PLCG2: variants seen among roughly 807,000 people sequenced by gnomAD.
PLCG2 encodes the protein phospholipase C gamma 2.
A neutral mutation model predicts 175.6 loss-of-function variants in PLCG2; 69 were observed. The observed-to-expected ratio is 0.39, with a 90% CI of 0.32 to 0.48. The LOEUF (loss-of-function observed/expected upper bound fraction) is 0.48, where lower values mean the gene tolerates loss of function less well. PLCG2 is among the 20% of genes least tolerant of loss of function. The pLI is 0.91. For missense variants in PLCG2, 1,798 were observed against 1,650.9 expected (o/e 1.09, Z -1.54); for synonymous variants, 827 against 624.0 (o/e 1.33, Z -4.85).
intron 2 of PLCG2, among the ~76,000 whole-genome samples, chr16:81,847,105 G>C (rs1194226728): frequency 1.3e-5 from 2 of 152,208 alleles, no homozygotes; most frequent in Non-Finnish European, 2.9e-5. Flanking sequence ...ATAAATTGGG[G>C]TTCCAATAAC....
chr16:81,870,139 G>T (rs1257016341), intron 6 of PLCG2, among the ~76,000 whole-genome samples: 1 of 152,198 alleles, frequency 6.6e-6, no homozygotes, highest in Non-Finnish European at 1.5e-5. Context: ...AGAGAAAAGG[G>T]TAGGTCAGAA....
chr16:81,799,381 C>G lies in PLCG2; in HGVS notation c.193+13199C>G, dbSNP rs150768031. On this transcript the variant is annotated intron_variant, in intron 2 of 32. Transcript: ENST00000564138. ...AATCTGCCTTTTTCATTTTGTACTA[C>G]TTTGTGACCATGTTAGTATTATTAA... Among the ~76,000 whole-genome samples the G allele has an allele frequency of 3.1e-3, 479 of 152,254 alleles. 3 individuals are homozygous for G. Among genetic ancestry groups the G allele is most frequent in the African/African-American group, 0.011 (471 of 41,520 alleles).
intron 2 of PLCG2, among the ~76,000 whole-genome samples, chr16:81,799,841 C>A (rs556238725): frequency 1.3e-5 from 2 of 151,252 alleles, no homozygotes; most frequent in Non-Finnish European, 2.9e-5. Context: ...GATCCTCCCA[C>A]CTTGGCCTCC....
intron 2 of PLCG2, among the ~76,000 whole-genome samples, chr16:81,831,308 C>G (rs4616280): frequency 6.6e-6 from 1 of 152,044 alleles, no homozygotes; most frequent in Non-Finnish European, 1.5e-5. Flanking sequence ...GCCTGGCACG[C>G]TGGCTTTTAC....
At position 81,912,661 on chromosome 16, in the gene PLCG2, G is replaced by A. The variant is rs774828108; in HGVS notation, c.1999G>A (p.Gly667Arg). The A allele has an allele frequency of 4.3e-6, 7 of 1,613,022 alleles. No individual in the cohort carries two copies. The Admixed American group carries it at 8.3e-5, about 19-fold the overall frequency. The stretch of plus-strand genomic sequence containing the variant: ...CATGCTGATGAGGATTCCCCGGGAC[G>A]GGGCCTTCCTGATCCGGAAGCGAGA... ...EDMLMRIPRDGAFLIRKREGS... is the reference protein window; with the variant it reads ...EDMLMRIPRDRAFLIRKREGS... Residue 667 changes from glycine to arginine, a missense_variant, in exon 19 of 33, where the codon GGG (glycine) becomes AGG (arginine). Coordinates refer to ENST00000564138, the MANE Select transcript of PLCG2 (RefSeq NM_002661.5).
At chr16:81,750,265 C>A (rs556994781) in intron 1 of PLCG2, among the ~76,000 whole-genome samples, 2 of 151,882 alleles carry the variant, frequency 1.3e-5, no homozygotes, top group East Asian at 3.9e-4. Flanking sequence ...ACAACAACAA[C>A]AAAAATTAGC....
rs7202834 is a variant in PLCG2, at chr16:81,789,852, T to A, written c.193+3670T>A. On this transcript the variant is annotated intron_variant, in intron 2 of 32. Coordinates refer to ENST00000564138, the MANE Select transcript of PLCG2 (RefSeq NM_002661.5). The stretch of plus-strand genomic sequence containing the variant: ...CTTCCCTTCCCACCTTTGCCCCCCC[T>A]CCATTGCCTCCCCTCTGTCATTTGG... Among the ~76,000 whole-genome samples, 8 of 141,968 alleles carry A rather than the reference T, an allele frequency of 5.6e-5. No individual in the cohort carries two copies. The East Asian group carries it at 1.0e-3, about 19-fold the overall frequency. 93.1% of individuals were successfully genotyped at this position (141,968 alleles called of 152,430 possible).
intron 1 of PLCG2, among the ~76,000 whole-genome samples, chr16:81,745,027 G>A (rs1909676760): frequency 6.6e-6 from 1 of 152,164 alleles, no homozygotes; most frequent in African/African-American, 2.4e-5. Flanking sequence ...GTTATGCAGT[G>A]GAACCTTTTT....
intron 19 of PLCG2, among the ~76,000 whole-genome samples, chr16:81,913,833 A>T (rs1417515219): frequency 6.6e-6 from 1 of 151,708 alleles, no homozygotes; most frequent in African/African-American, 2.4e-5. Context: ...GGGCGTTTGG[A>T]TTTCCCTTCC....
upstream of PLCG2, among the ~76,000 whole-genome samples, chr16:81,779,065 A>C (rs985004268): frequency 9.9e-5 from 15 of 152,226 alleles, no homozygotes; most frequent in Non-Finnish European, 2.1e-4. Context: ...GGCCTCGGGC[A>C]GGTAGCCTCC....
chr16:81,742,669 G>C (rs1194114378), intron 1 of PLCG2, among the ~76,000 whole-genome samples: 1 of 152,192 alleles, frequency 6.6e-6, no homozygotes, highest in Non-Finnish European at 1.5e-5. Context: ...CTGGTGGGGA[G>C]AACTCAAGAC....
chr16:81,741,526 C>T (rs1211163984), intron 1 of PLCG2, among the ~76,000 whole-genome samples: 1 of 152,104 alleles, frequency 6.6e-6, no homozygotes, highest in East Asian at 1.9e-4. Flanking sequence ...ATGTAATGAT[C>T]AGGCCAGACG....
At chr16:81,939,369 G>C (rs1010136823) in intron 29 of PLCG2, among the ~76,000 whole-genome samples, 1 of 152,180 alleles carries the variant, frequency 6.6e-6, no homozygotes, top group African/African-American at 2.4e-5. Context: ...GGAGGGAACC[G>C]TGATTGGTGG....
At chr16:81,921,384 C>T in intron 21 of PLCG2, 115 bp downstream of exon 21, 2 of 733,166 alleles carry the variant, frequency 2.7e-6, no homozygotes, top group Non-Finnish European at 4.9e-6. Context: ...AAAACCTGGC[C>T]AAAATAATTT....
intron 2 of PLCG2, among the ~76,000 whole-genome samples, chr16:81,764,418 C>T (rs1910102039): frequency 6.6e-6 from 1 of 152,196 alleles, no homozygotes; most frequent in South Asian, 2.1e-4. Flanking sequence ...TGTAGAAGAG[C>T]ATGTGGGATG....
chr16:81,908,453 G>T lies in PLCG2; in HGVS notation c.1595G>T (p.Trp532Leu). ...ACAGAACTACATTTTGGGGAGAAAT[G>T]GTTCCACAAGAAGGTGGAGAAGAGG... ...PPTELHFGEKWFHKKVEKRTS... is the reference protein window; with the variant it reads ...PPTELHFGEKLFHKKVEKRTS... The change falls in exon 17 of 33, where the codon TGG (tryptophan) becomes TTG (leucine). Residue 532 changes from tryptophan (W) to leucine (L), a missense_variant. Physicochemically the swap from Trp to Leu is moderately conservative, Grantham distance 61. Transcript: ENST00000564138. 6.2e-7 allele frequency: 1 copy of T among 1,614,122 alleles called. No individual in the cohort carries two copies. The highest frequency in any genetic ancestry group is 8.5e-7 in the Non-Finnish European group (1 of 1,179,998).
intron 7 of PLCG2, among the ~76,000 whole-genome samples, chr16:81,875,447 T>G (rs1295931382): frequency 6.6e-6 from 1 of 152,210 alleles, no homozygotes; most frequent in Non-Finnish European, 1.5e-5. Context: ...CTTTGACGCA[T>G]AGCCATGGAA....
intron 2 of PLCG2, among the ~76,000 whole-genome samples, chr16:81,800,347 C>G (rs913440213): frequency 6.6e-6 from 1 of 152,150 alleles, no homozygotes; most frequent in Non-Finnish European, 1.5e-5. Context: ...GCTATTTATT[C>G]TGATGCTCTC....
At chr16:81,769,423 C>G (rs1910224340) in intron 2 of PLCG2, among the ~76,000 whole-genome samples, 1 of 152,200 alleles carries the variant, frequency 6.6e-6, no homozygotes, top group South Asian at 2.1e-4. Flanking sequence ...CGTTCTGATT[C>G]AGTAAGGCCA....
Sources: gnomAD v4.1 joint callset for allele counts (sites outside exome capture counted in the v4.1 genomes callset) on GRCh38, gnomAD v4.1.1 for gene constraint, MANE v1.5 for transcripts, NCBI Gene and HGNC (gene_info 2026-07-23, HGNC 2026-07-21) for gene names.